Variants in ERC2 observed in about 807,000 individuals in gnomAD.
ERC2 encodes the protein ELKS/RAB6-interacting/CAST family member 2.
A neutral mutation model predicts 114.8 loss-of-function variants in ERC2; 42 were observed. The observed-to-expected ratio is 0.37, with a 90% CI of 0.29 to 0.47. The LOEUF (loss-of-function observed/expected upper bound fraction) is 0.47, where lower values mean the gene tolerates loss of function less well. Ranked by LOEUF, ERC2 falls within the 20% of genes least tolerant of loss-of-function variation. The probability of loss-of-function intolerance (pLI) is 0.99; values close to 1 mark genes in which losing one functional copy is unlikely to be tolerated. For missense variants in ERC2, 939 were observed against 1,150.7 expected (o/e 0.82, Z 2.66); for synonymous variants, 454 against 425.5 (o/e 1.07, Z -0.82).
intron 14 of ERC2, among the ~76,000 whole-genome samples, chr3:55,839,399 G>A (rs769033896): frequency 6.6e-6 from 1 of 151,678 alleles, no homozygotes; most frequent in Non-Finnish European, 1.5e-5. Context: ...GGAATAAAGA[G>A]CACCAAAAAT....
chr3:56,248,544 T>A (rs192886244), intron 3 of ERC2, among the ~76,000 whole-genome samples: 3 of 152,330 alleles, frequency 2.0e-5, no homozygotes, highest in African/African-American at 7.2e-5. Flanking sequence ...TTACTCTTTA[T>A]CTCCTGAATC....
intron 3 of ERC2, among the ~76,000 whole-genome samples, chr3:56,234,716 T>C (rs9867216): frequency 0.28 from 42,595 of 151,976 alleles, 6,466 homozygotes; most frequent in Non-Finnish European, 0.33. Context: ...TCTTGCTGCA[T>C]TGTCCAAAGG....
chr3:55,992,320 A>C, intron 10 of ERC2, 70 bp from the exon 11 acceptor site: 1 of 1,337,026 alleles, frequency 7.5e-7, no homozygotes, highest in Non-Finnish European at 1.0e-6. Context: ...GCTGTCACCA[A>C]TGGTCCAGAA....
chr3:55,583,470 T>C (rs1228946353), intron 17 of ERC2, among the ~76,000 whole-genome samples: 8 of 54,000 alleles, frequency 1.5e-4, no homozygotes, highest in African/African-American at 2.7e-4. Context: ...CTCTCTCCCT[T>C]CCTCCCTCCC....
At chr3:55,827,779 C>T (rs527602190) in intron 14 of ERC2, among the ~76,000 whole-genome samples, 40 of 152,330 alleles carry the variant, frequency 2.6e-4, no homozygotes, top group African/African-American at 7.7e-4. Flanking sequence ...CACTGACAAA[C>T]GCTTGGACTT....
intron 6 of ERC2, among the ~76,000 whole-genome samples, chr3:56,083,074 A>G (rs28456300): frequency 0.18 from 27,166 of 152,184 alleles, 2,587 homozygotes; most frequent in African/African-American, 0.23. Context: ...GAAAGTGTAA[A>G]AGACATGTCC....
At chr3:55,512,641 T>C (rs1027364475) in intron 17 of ERC2, among the ~76,000 whole-genome samples, 2 of 151,628 alleles carry the variant, frequency 1.3e-5, no homozygotes, top group African/African-American at 4.9e-5. Context: ...ATAATTACAG[T>C]GAATGTCTGA....
At chr3:55,799,065 G>A (rs2070760961) in intron 14 of ERC2, among the ~76,000 whole-genome samples, 1 of 152,090 alleles carries the variant, frequency 6.6e-6, no homozygotes, top group African/African-American at 2.4e-5. Flanking sequence ...TATATAATAT[G>A]GAAGGGGGAT....
chr3:55,583,506 TCCC>T (rs1279115219), intron 17 of ERC2, among the ~76,000 whole-genome samples: 1 of 38,968 alleles, frequency 2.6e-5, no homozygotes, highest in African/African-American at 1.1e-4. Context: ...CTTCCCTCCC[TCCC>T]TCCCTCCCTC....
At chr3:55,613,982 CAAAAAAAAAAAAAAAAAAAAA>C (rs60242810) in intron 17 of ERC2, among the ~76,000 whole-genome samples, 2 of 62,278 alleles carry the variant, frequency 3.2e-5, no homozygotes, top group African/African-American at 6.9e-5. Context: ...GACTTCCTCT[CAAAAAAAAAAAAAAAAAAAAA>C]AAAAAAAAAA....
intron 3 of ERC2, among the ~76,000 whole-genome samples, chr3:56,225,125 T>G (rs1409166418): frequency 4.6e-5 from 7 of 152,158 alleles, no homozygotes; most frequent in Non-Finnish European, 1.0e-4. Flanking sequence ...TAGGTTTCTT[T>G]AGTAAAATCT....
intron 2 of ERC2, among the ~76,000 whole-genome samples, chr3:56,411,530 C>T (rs546898441): frequency 1.8e-4 from 28 of 151,986 alleles, no homozygotes; most frequent in Non-Finnish European, 3.4e-4. Flanking sequence ...TTAAATGCAT[C>T]CCTCACAAAA....
chr3:55,563,477 C>T (rs2056171348), intron 17 of ERC2, among the ~76,000 whole-genome samples: 1 of 152,186 alleles, frequency 6.6e-6, no homozygotes, highest in African/African-American at 2.4e-5. Context: ...CCAACTGGGA[C>T]TTGGCCAGTG....
chr3:55,795,139 T>C (rs1476336055), intron 14 of ERC2, among the ~76,000 whole-genome samples: 1 of 152,206 alleles, frequency 6.6e-6, no homozygotes, highest in African/African-American at 2.4e-5. Flanking sequence ...ATTAACGTTC[T>C]TTCAAATTAT....
intron 2 of ERC2, among the ~76,000 whole-genome samples, chr3:56,331,217 T>C (rs766250444): frequency 6.6e-6 from 1 of 152,184 alleles, no homozygotes; most frequent in Non-Finnish European, 1.5e-5. Flanking sequence ...CTACCCTTGA[T>C]ACCTGCTAAA....
intron 15 of ERC2, among the ~76,000 whole-genome samples, chr3:55,714,663 GTGTGTA>G (rs1389466867): frequency 1.8e-3 from 170 of 92,052 alleles, no homozygotes; most frequent in East Asian, 2.5e-3. Flanking sequence ...GTGTGTGTGT[GTGTGTA>G]TATATATATA....
intron 2 of ERC2, among the ~76,000 whole-genome samples, chr3:56,333,144 T>C (rs1388796248): frequency 1.3e-5 from 2 of 152,248 alleles, no homozygotes; most frequent in African/African-American, 4.8e-5. Context: ...AGACGGTCCA[T>C]TAATGTCTTA....
chr3:55,938,787 A>T (rs1387267413), intron 13 of ERC2, among the ~76,000 whole-genome samples: 1 of 152,244 alleles, frequency 6.6e-6, no homozygotes, highest in Non-Finnish European at 1.5e-5. Flanking sequence ...CTTTGACAGC[A>T]TAACATGAGC....
intron 2 of ERC2, among the ~76,000 whole-genome samples, chr3:56,308,241 G>T (rs934103355): frequency 6.6e-6 from 1 of 152,090 alleles, no homozygotes; most frequent in Non-Finnish European, 1.5e-5. Flanking sequence ...TAAAATTGAG[G>T]TTTCCTCCAG....
Sources: gnomAD v4.1 joint callset for allele counts (sites outside exome capture counted in the v4.1 genomes callset) on GRCh38, gnomAD v4.1.1 for gene constraint, MANE v1.5 for transcripts, NCBI Gene and HGNC (gene_info 2026-07-23, HGNC 2026-07-21) for gene names.